Variants in ABCA1 observed in about 807,000 individuals in gnomAD.
ABCA1 encodes ATP binding cassette subfamily A member 1, also known as phospholipid-transporting ATPase ABCA1.
ABCA1 carries 133 observed loss-of-function variants against 262.5 expected under a neutral mutation model. The ratio of observed to expected loss-of-function variants is 0.51; its 90% CI spans 0.44 to 0.59. The LOEUF (loss-of-function observed/expected upper bound fraction) is 0.59. ABCA1 is among the 20% of genes least tolerant of loss of function. ABCA1 has a pLI of 0.00. For missense variants in ABCA1, 2,452 were observed against 2,777.5 expected (o/e 0.88, Z 2.63); for synonymous variants, 1,022 against 1,043.5 (o/e 0.98, Z 0.40).
chr9:104,825,931 C>T, intron 16 of ABCA1, 44 bp from the exon 17 acceptor site: 1 of 1,598,604 alleles, frequency 6.3e-7, no homozygotes, highest in Non-Finnish European at 8.6e-7. Flanking sequence ...CCTGGTCAGT[C>T]TCATTTTTCT....
chr9:104,888,186 A>T (rs372928798), intron 3 of ABCA1, among the ~76,000 whole-genome samples: 1 of 152,104 alleles, frequency 6.6e-6, no homozygotes, highest in Non-Finnish European at 1.5e-5. Context: ...AAGAAACACA[A>T]TTAAAAGGTG....
Position 104,793,287 on chromosome 9 carries a change from A to G in ABCA1, c.5520T>C (p.Phe1840=), listed in dbSNP as rs1829589623. ...DALERFGENR[F]VSPLSWDLVG... ...CCAAGTCCCAAGATAATGGTGACAC[A>G]AAGCGATTCTCCCCTAGTAGACACA... The change falls in exon 41 of 50, where the codon TTT becomes TTC. Residue 1840 remains phenylalanine (F), a synonymous_variant. Coordinates refer to ENST00000374736, the MANE Select transcript of ABCA1 (RefSeq NM_005502.4). The G allele has an allele frequency of 1.2e-6, 2 of 1,614,160 alleles. No homozygotes were observed.
At chr9:104,892,692 A>G (rs1839855767) in intron 2 of ABCA1, among the ~76,000 whole-genome samples, 1 of 152,208 alleles carries the variant, frequency 6.6e-6, no homozygotes, top group South Asian at 2.1e-4. Context: ...ATGAACACGG[A>G]AATATAAATC....
intron 34 of ABCA1, 63 bp downstream of exon 34, chr9:104,801,988 AACT>A: frequency 2.8e-6 from 4 of 1,441,386 alleles, no homozygotes; most frequent in Non-Finnish European, 3.9e-6. Context: ...TTAACCTGCC[AACT>A]ACTCCTATAT....
intron 2 of ABCA1, among the ~76,000 whole-genome samples, chr9:104,900,474 A>C (rs2118412445): frequency 6.6e-6 from 1 of 152,148 alleles, no homozygotes; most frequent in Non-Finnish European, 1.5e-5. Context: ...TCCCCTACCT[A>C]ATGGGCAGGG....
rs764597053 is a variant in ABCA1 at position 104,806,221 on chromosome 9, AC to A, written c.4464+19del. ...CATCCTGCACCCCTTCTGCCCAATCACCCCCTGAAAGTGACTCACTTGTGGA... is the reference window on the plus strand; with the variant it reads ...CATCCTGCACCCCTTCTGCCCAATCACCCCTGAAAGTGACTCACTTGTGGA... On this transcript the variant is annotated intron_variant, in intron 31 of 49. Transcript: ENST00000374736. 3.7e-6 allele frequency: 6 copies of A among 1,610,848 alleles called. No individual in the cohort carries two copies. The African/African-American group carries it at 5.4e-5, about 14-fold the overall frequency.
At chr9:104,808,749 C>G (rs2118922302) in intron 30 of ABCA1, among the ~76,000 whole-genome samples, 1 of 152,274 alleles carries the variant, frequency 6.6e-6, no homozygotes, top group East Asian at 1.9e-4. Flanking sequence ...ACCTTCCCAC[C>G]TTGCCATAAT....
At chr9:104,917,894 C>T (rs1026139064) in intron 1 of ABCA1, among the ~76,000 whole-genome samples, 1 of 152,156 alleles carries the variant, frequency 6.6e-6, no homozygotes, top group African/African-American at 2.4e-5. Context: ...TATACATAGA[C>T]TGTGAGAAAA....
chr9:104,871,450 C>A (rs1267634102), intron 5 of ABCA1, among the ~76,000 whole-genome samples: 2 of 152,138 alleles, frequency 1.3e-5, no homozygotes, highest in African/African-American at 2.4e-5. Context: ...AACAATTCCC[C>A]CAAAGAGCCA....
chr9:104,789,976 A>T (rs573294594), intron 44 of ABCA1, among the ~76,000 whole-genome samples: 1 of 152,012 alleles, frequency 6.6e-6, no homozygotes, highest in African/African-American at 2.4e-5. Flanking sequence ...GGCACCTGTA[A>T]TCTCAGCTAC....
intron 7 of ABCA1, among the ~76,000 whole-genome samples, chr9:104,856,388 G>A (rs1835843065): frequency 6.6e-6 from 1 of 152,258 alleles, no homozygotes; most frequent in Non-Finnish European, 1.5e-5. Flanking sequence ...CCCGAGATAT[G>A]CAGAAAGCAC....
intron 5 of ABCA1, among the ~76,000 whole-genome samples, chr9:104,862,709 CCCCA>C (rs1836730587): frequency 3.9e-5 from 1 of 25,798 alleles, no homozygotes; most frequent in African/African-American, 1.5e-4. Flanking sequence ...CGGCCCCCAC[CCCCA>C]CCCCCACCCC....
At position 104,802,162 on chromosome 9, in the gene ABCA1, A is replaced by C. The variant is rs1035670381; in HGVS notation, c.4593-3T>G. ...CACCCAGGGAAAAGCCGCCATACCT[A>C]AAAGAACAGCCTGACATTAAAACCC... On this transcript the variant is annotated splice_polypyrimidine_tract_variant and splice_region_variant and intron_variant, in intron 33 of 49. Transcript: ENST00000374736. 1.9e-6 allele frequency: 3 copies of C among 1,613,728 alleles called. No homozygotes were observed. In the African/African-American group the frequency reaches 4.0e-5, roughly 22 times the overall value.
At position 104,918,762 on chromosome 9, in the gene ABCA1, G is replaced by A. The variant is rs1841976821; in HGVS notation, c.-93+9173C>T. Among the ~76,000 whole-genome samples the A allele has an allele frequency of 2.0e-5, 3 of 152,248 alleles. No homozygotes were observed. In the South Asian group the frequency reaches 6.2e-4, roughly 32 times the overall value. On this transcript the variant is annotated intron_variant, in intron 1 of 49. Coordinates refer to ENST00000374736, the MANE Select transcript of ABCA1 (RefSeq NM_005502.4). ...GGTCAGTGTAAGCTCATCAGTCTGG[G>A]CCTTCACTTTCTCCCTGCCTTTCCA...
intron 5 of ABCA1, among the ~76,000 whole-genome samples, chr9:104,864,128 C>G (rs1378058450): frequency 6.6e-6 from 1 of 152,176 alleles, no homozygotes; most frequent in African/African-American, 2.4e-5. Flanking sequence ...ACCACCAATG[C>G]CCAGATCAGG....
At chr9:104,800,417 C>T in intron 35 of ABCA1, 93 bp downstream of exon 35, 1 of 1,193,996 alleles carries the variant, frequency 8.4e-7, no homozygotes, top group Non-Finnish European at 1.2e-6. Context: ...GTTGTGAATG[C>T]CCCTGCCAAC....
At chr9:104,903,573 A>G (rs1840842433) in intron 2 of ABCA1, 41 bp downstream of exon 2, 1 of 1,555,910 alleles carries the variant, frequency 6.4e-7, no homozygotes, top group East Asian at 2.4e-5. Flanking sequence ...CCACAAAGAA[A>G]AAATGAGAGA....
At chr9:104,809,692 A>T in intron 29 of ABCA1, 128 bp from the exon 30 acceptor site, 1 of 893,230 alleles carries the variant, frequency 1.1e-6, no homozygotes. Context: ...AACAGAAATG[A>T]ACAAAACACA....
chr9:104,788,520 G>C lies in ABCA1; in HGVS notation c.5975C>G (p.Pro1992Arg). 1.2e-6 allele frequency: 2 copies of C among 1,614,164 alleles called. No individual in the cohort carries two copies. Among genetic ancestry groups the C allele is most frequent in the Non-Finnish European group, 1.7e-6 (2 of 1,180,008 alleles). ...HEVHQNMGYC[P>R]QFDAITELLT... Reference sequence around the variant, plus strand: ...CAGCTCTGTGATGGCATCAAACTGAGGGCAGTAGCCCATGTTCTGATGTAC... The same window carrying C: ...CAGCTCTGTGATGGCATCAAACTGACGGCAGTAGCCCATGTTCTGATGTAC... The change falls in exon 45 of 50, where the codon CCT becomes CGT. Residue 1992 changes from proline to arginine, a missense_variant. Physicochemically the swap from Pro to Arg is moderately radical, Grantham distance 103 (BLOSUM62 -2). This residue lies in a region of ABCA1 where 752 missense variants were observed against 944.5 expected (regional missense o/e 0.80). Coordinates refer to ENST00000374736, the MANE Select transcript of ABCA1 (RefSeq NM_005502.4).
Sources: gnomAD v4.1 joint callset for allele counts (sites outside exome capture counted in the v4.1 genomes callset) on GRCh38, gnomAD v4.1.1 for gene constraint, gnomAD v4.1.1 regional missense constraint, MANE v1.5 for transcripts, NCBI Gene and HGNC (gene_info 2026-07-23, HGNC 2026-07-21) for gene names.